Variants in IRGQ observed in about 807,000 individuals in gnomAD.
IRGQ encodes the protein immunity-related GTPase family Q protein.
In IRGQ, 5 loss-of-function variants were observed where a neutral mutation model predicts 10.5. That is an observed-to-expected ratio of 0.48 (90% CI 0.25 to 1.00). The LOEUF (loss-of-function observed/expected upper bound fraction) is 1.00, where lower values mean the gene tolerates loss of function less well. Ranked by LOEUF, IRGQ falls within the 50% of genes least tolerant of loss-of-function variation. The pLI is 0.16. For synonymous variants in IRGQ, 418 were observed against 426.0 expected, an observed-to-expected ratio of 0.98 and a Z score of 0.23; for missense variants, 792 against 877.7, an observed-to-expected ratio of 0.90 and a Z score of 1.23.
In IRGQ at chr19:43,593,543, T is replaced by A. The variant is rs886234452; in HGVS notation, c.531-176A>T. Among the ~76,000 whole-genome samples the A allele has an allele frequency of 1.3e-5, 2 of 152,136 alleles. No individual in the cohort carries two copies. The highest frequency in any genetic ancestry group is 4.8e-5 in the African/African-American group (2 of 41,420). ...GAAACCAGATAGGGAGAGGCAGTGA[T>A]GATATGGGTGGGGCTTCAAGCAATA... On this transcript the variant is annotated intron_variant, in intron 2 of 2. Transcript: ENST00000422989. The surrounding 1 kb of genome is among the most constrained non-coding windows in gnomAD (Gnocchi z 6.4).
intron 1 of IRGQ, among the ~76,000 whole-genome samples, 154 bp downstream of exon 1, chr19:43,595,828 T>C (rs1030172059): frequency 6.6e-6 from 1 of 152,234 alleles, no homozygotes. Context: ...CAGTGGGCCG[T>C]GATCACACCA....
At chr19:43,594,007 G>C (rs1973095440) in intron 2 of IRGQ, among the ~76,000 whole-genome samples, 1 of 152,226 alleles carries the variant, frequency 6.6e-6, no homozygotes, top group Non-Finnish European at 1.5e-5. Context: ...AGGTGGTAGA[G>C]CAAATCCAGG....
Position 43,591,899 on chromosome 19 carries a change from T to A in IRGQ, c.*127A>T. 1.1e-6 allele frequency: 1 copy of A among 869,654 alleles called. No individual in the cohort carries two copies. Among genetic ancestry groups the A allele is most frequent in the Non-Finnish European group, 1.7e-6 (1 of 583,358 alleles). 53.9% of individuals were successfully genotyped at this position (869,654 alleles called of 1,614,324 possible). A position where few individuals can be genotyped will look rare whatever the true frequency, so the allele number is the denominator to read the frequency against. On this transcript the variant is annotated 3_prime_UTR_variant, in exon 3 of 3. Transcript: ENST00000422989. ...CAGGATTCCTGTCCCCCAGACTCTC[T>A]GAATCCAGGTGATAAGAAGTCACAC...
At chr19:43,594,437 G>A (rs909921872) in intron 2 of IRGQ, among the ~76,000 whole-genome samples, 17 of 152,266 alleles carry the variant, frequency 1.1e-4, no homozygotes, top group African/African-American at 4.1e-4. Flanking sequence ...AGCTACTCTG[G>A]AGGCTGAGGC....
Position 43,594,660 on chromosome 19 carries a change from CCTGT to C in IRGQ, c.530+145_530+148del, listed in dbSNP as rs1329521138. The C allele has an allele frequency of 1.4e-5, 8 of 579,918 alleles. No homozygotes were observed. In the East Asian group the frequency reaches 2.5e-4, roughly 18 times the overall value. The allele number at this position is 579,918 out of a possible 1,614,324, so 35.9% of individuals were successfully genotyped here. A position where few individuals can be genotyped will look rare whatever the true frequency, so the allele number is the denominator to read the frequency against. On this transcript the variant is annotated intron_variant, in intron 2 of 2. Transcript: ENST00000422989. ...TTCAACCTAGCCAACATAGCGAGAC[CCTGT>C]CTCTCAGGAAAAAAAAAAAAATAAT... is the stretch of plus-strand genomic sequence containing the variant.
At chr19:43,595,729 T>A (rs1057093049) in intron 1 of IRGQ, among the ~76,000 whole-genome samples, 3 of 151,338 alleles carry the variant, frequency 2.0e-5, no homozygotes, top group Non-Finnish European at 4.4e-5. Context: ...AAAATAAAAT[T>A]TAGCCGGGCA....
chr19:43,589,522 A>C lies in IRGQ; in HGVS notation c.*2504T>G, dbSNP rs1487708192. The C allele has an allele frequency of 6.6e-6, 1 of 152,158 alleles. No homozygotes were observed. Among genetic ancestry groups the C allele is most frequent in the Non-Finnish European group, 1.5e-5 (1 of 68,054 alleles). The allele number at this position is 152,158 out of a possible 1,614,324, so 9.4% of individuals were successfully genotyped here. ...AGCCCAGGAGTTGGAGATGGCAGTG[A>C]GCCATGATCATCCCACTGTATTCCA... On this transcript the variant is annotated 3_prime_UTR_variant, in exon 3 of 3. Transcript: ENST00000422989.
At position 43,585,925 on chromosome 19, in the gene IRGQ, C is replaced by T. The variant is rs1314815581; in HGVS notation, c.*6101G>A. The T allele has an allele frequency of 2.0e-5, 3 of 152,116 alleles. No homozygotes were observed. The highest frequency in any genetic ancestry group is 7.2e-5 in the African/African-American group (3 of 41,422). The allele number at this position is 152,116 out of a possible 1,614,324, so 9.4% of individuals were successfully genotyped here. On this transcript the variant is annotated 3_prime_UTR_variant, in exon 3 of 3. Transcript: ENST00000422989. ...TCTTTTCCCTCAAACTCCAAAAGAACAGACACGCAATAGGATTTCTATTCA... is the reference window on the plus strand; with the variant it reads ...TCTTTTCCCTCAAACTCCAAAAGAATAGACACGCAATAGGATTTCTATTCA...
In IRGQ at chr19:43,584,385, T is replaced by A. The variant is rs532217875; in HGVS notation, c.*7641A>T. 6.6e-6 allele frequency: 1 copy of A among 152,290 alleles called. No homozygotes were observed. The highest frequency in any genetic ancestry group is 1.5e-5 in the Non-Finnish European group (1 of 68,026). 9.4% of individuals were successfully genotyped at this position (152,290 alleles called of 1,614,324 possible). A position where few individuals can be genotyped will look rare whatever the true frequency, so the allele number is the denominator to read the frequency against. ...TGACCCCTTAAGAAGCTGTTTTTCA[T>A]TTTATTTTCACAACTCTATGTCATA... On this transcript the variant is annotated 3_prime_UTR_variant, in exon 3 of 3. Transcript: ENST00000422989.
Position 43,591,953 on chromosome 19 carries a change from C to T in IRGQ, c.*73G>A. 1 of 1,461,704 alleles carries T rather than the reference C, an allele frequency of 6.8e-7. No individual in the cohort carries two copies. Among genetic ancestry groups the T allele is most frequent in the East Asian group, 2.3e-5 (1 of 43,324 alleles). The allele number at this position is 1,461,704 out of a possible 1,614,324, so 90.5% of individuals were successfully genotyped here. ...CCAGCTGGAAGTCAAGAGTCCACAT[C>T]CCCTTCAAGCACCCAGGATTAAGCC... On this transcript the variant is annotated 3_prime_UTR_variant, in exon 3 of 3. Transcript: ENST00000422989.
Position 43,592,030 on chromosome 19 carries a change from T to C in IRGQ, c.1868A>G (p.Gln623Arg). The stretch of plus-strand genomic sequence containing the variant: ...TCCCAAGCCCCCTCCCACTCCTCAC[T>C]GGGCAGGCTCAGGGGGTGCCAGCAC... The part of the protein sequence containing the change: ...EAVLAPPEPA[Q>R] Residue 623 changes from glutamine to arginine, a missense_variant, in exon 3 of 3, where the codon CAG (glutamine) becomes CGG (arginine). Physicochemically the swap from Gln to Arg is conservative, Grantham distance 43 (BLOSUM62 1). Coordinates refer to ENST00000422989, the MANE Select transcript of IRGQ (RefSeq NM_001007561.3). 1 of 1,591,828 alleles carries C rather than the reference T, an allele frequency of 6.3e-7. No homozygotes were observed. The highest frequency in any genetic ancestry group is 8.6e-7 in the Non-Finnish European group (1 of 1,166,564).
In IRGQ at chr19:43,586,969, G is replaced by T. The variant is rs916750073; in HGVS notation, c.*5057C>A. The T allele has an allele frequency of 2.0e-5, 3 of 152,164 alleles. No individual in the cohort carries two copies. The highest frequency in any genetic ancestry group is 4.4e-5 in the Non-Finnish European group (3 of 68,038). 9.4% of individuals were successfully genotyped at this position (152,164 alleles called of 1,614,324 possible). On this transcript the variant is annotated 3_prime_UTR_variant, in exon 3 of 3. Transcript: ENST00000422989. ...ATACCATAGCCACTAATCACATGTG[G>T]CTACTCAGTATTAATGTTGCACTAC...
rs1290863694 is a variant in IRGQ, at chr19:43,593,053, G to T, written c.845C>A (p.Thr282Lys). The T allele has an allele frequency of 1.9e-6, 3 of 1,605,084 alleles. No homozygotes were observed. The highest frequency in any genetic ancestry group is 3.3e-5 in the Admixed American group (2 of 59,768). The change falls in exon 3 of 3, where the codon ACG (threonine) becomes AAG (lysine). Residue 282 changes from threonine to lysine, a missense_variant. Transcript: ENST00000422989. This position sits in a 1 kb window ranked among gnomAD's most constrained non-coding sequence, Gnocchi z 6.4. ...VVLWTVPLGH[T>K]GTATTAAAAS... ...GGCGGCCGCGGTGGTGGCAGTGCCC[G>T]TGTGGCCCAGAGGCACGGTCCAGAG...
Position 43,592,765 on chromosome 19 carries a change from T to C in IRGQ, c.1133A>G (p.Gln378Arg), listed in dbSNP as rs767028534. The change falls in exon 3 of 3, where the codon CAG becomes CGG. Residue 378 changes from glutamine to arginine, a missense_variant. Physicochemically the swap from Gln to Arg is conservative, Grantham distance 43. Transcript: ENST00000422989. ...AGGACCTTCCCCGCTGCCTGCTTTCTGCGATCCAGCGCTACATTTCTCCCT... is the reference window on the plus strand; with the variant it reads ...AGGACCTTCCCCGCTGCCTGCTTTCCGCGATCCAGCGCTACATTTCTCCCT... ...KGREKCSAGS[Q>R]KAGSGEGPGK... 6.2e-7 allele frequency: 1 copy of C among 1,613,484 alleles called. No individual in the cohort carries two copies. Among genetic ancestry groups the C allele is most frequent in the Non-Finnish European group, 8.5e-7 (1 of 1,180,032 alleles).
rs1414957332 is a variant in IRGQ, at chr19:43,584,571, CTG to C, written c.*7453_*7454del. On this transcript the variant is annotated 3_prime_UTR_variant, in exon 3 of 3. Transcript: ENST00000422989. The stretch of plus-strand genomic sequence containing the variant: ...CACATCACACACAGAGAGAACAAGT[CTG>C]TATTAGTTGCTTTTGCTACATAACA... The C allele has an allele frequency of 1.3e-5, 2 of 152,208 alleles. No individual in the cohort carries two copies. Among genetic ancestry groups the C allele is most frequent in the African/African-American group, 4.8e-5 (2 of 41,446 alleles). The allele number at this position is 152,208 out of a possible 1,614,324, so 9.4% of individuals were successfully genotyped here.
chr19:43,590,968 T>C lies in IRGQ; in HGVS notation c.*1058A>G, dbSNP rs1973047664. On this transcript the variant is annotated 3_prime_UTR_variant, in exon 3 of 3. Transcript: ENST00000422989. ...CCCTGGCTACTCCCAGAGCCCACCATGCCCAGACCTCTTACCCACCTCACC... is the reference window on the plus strand; with the variant it reads ...CCCTGGCTACTCCCAGAGCCCACCACGCCCAGACCTCTTACCCACCTCACC... The C allele has an allele frequency of 6.6e-6, 1 of 152,326 alleles. No individual in the cohort carries two copies. The highest frequency in any genetic ancestry group is 6.5e-5 in the Admixed American group (1 of 15,278). 9.4% of individuals were successfully genotyped at this position (152,326 alleles called of 1,614,324 possible). A position where few individuals can be genotyped will look rare whatever the true frequency, so the allele number is the denominator to read the frequency against.
rs756588498 is a variant in IRGQ at position 43,592,211 on chromosome 19, A to C, written c.1687T>G (p.Trp563Gly). 1.3e-6 allele frequency: 2 copies of C among 1,590,602 alleles called. No homozygotes were observed. Among genetic ancestry groups the C allele is most frequent in the African/African-American group, 2.7e-5 (2 of 74,450 alleles). Residue 563 changes from tryptophan (W) to glycine (G), a missense_variant, in exon 3 of 3, where the codon TGG becomes GGG. Transcript: ENST00000422989. ...CCCCCAGCAGTGCCCTCGCCCGCCCAGGCGCCCAGTCTTGCTTCCACCTCG... is the reference window on the plus strand; with the variant it reads ...CCCCCAGCAGTGCCCTCGCCCGCCCCGGCGCCCAGTCTTGCTTCCACCTCG... ...RAEVEARLGAWAGEGTAGGAA... is the reference protein window; with the variant it reads ...RAEVEARLGAGAGEGTAGGAA...
Position 43,592,180 on chromosome 19 carries a change from G to A in IRGQ, c.1718C>T (p.Ala573Val). The change falls in exon 3 of 3, where the codon GCA becomes GTA. Residue 573 changes from alanine (A) to valine (V), a missense_variant. Physicochemically the swap from Ala to Val is moderately conservative, Grantham distance 64. Transcript: ENST00000422989. ...WAGEGTAGGA[A>V]LGALSFLWPA... ...CCACAGGAAGGAGAGAGCCCCCAGT[G>A]CTGCGCCCCCAGCAGTGCCCTCGCC... 6.2e-7 allele frequency: 1 copy of A among 1,603,942 alleles called. No homozygotes were observed. The highest frequency in any genetic ancestry group is 8.5e-7 in the Non-Finnish European group (1 of 1,178,796).
At position 43,595,994 on chromosome 19, in the gene IRGQ, C is replaced by G. The variant is rs992333797; in HGVS notation, c.-15G>C. The G allele has an allele frequency of 4.6e-5, 7 of 152,172 alleles. No individual in the cohort carries two copies. The highest frequency in any genetic ancestry group is 8.8e-5 in the Non-Finnish European group (6 of 68,004). 9.4% of individuals were successfully genotyped at this position (152,172 alleles called of 1,614,324 possible). A position where few individuals can be genotyped will look rare whatever the true frequency, so the allele number is the denominator to read the frequency against. ...CCAAATCACCAACCGAGCAAAAAGC[C>G]GACCCACGGGAGAGAGCGCAGTCGG... On this transcript the variant is annotated 5_prime_UTR_variant, in exon 1 of 3. Coordinates refer to ENST00000422989, the MANE Select transcript of IRGQ (RefSeq NM_001007561.3).
Sources: allele counts gnomAD v4.1 joint callset (sites outside exome capture counted in the v4.1 genomes callset), GRCh38; gene constraint gnomAD v4.1.1; non-coding constraint Gnocchi (gnomAD v3.1); transcripts MANE v1.5; gene names NCBI Gene and HGNC (gene_info 2026-07-23, HGNC 2026-07-21).